CYP4F11: variants seen among roughly 807,000 people sequenced by gnomAD.
CYP4F11 encodes the protein cytochrome P450 family 4 subfamily F member 11.
A neutral mutation model predicts 62.2 loss-of-function variants in CYP4F11; 79 were observed. The observed-to-expected ratio is 1.27, with a 90% CI of 1.06 to 1.53. The LOEUF (loss-of-function observed/expected upper bound fraction) is 1.53. Among genes scored for constraint, CYP4F11 ranks in the 40% most tolerant of loss-of-function variants. The pLI is 0.00. For missense variants in CYP4F11, 777 were observed against 680.5 expected, an observed-to-expected ratio of 1.14 and a Z score of -1.58; for synonymous variants, 290 against 263.7, an observed-to-expected ratio of 1.10 and a Z score of -0.97.
In CYP4F11 at chr19:15,924,849, C is replaced by T. The variant is rs765039646; in HGVS notation, c.559G>A (p.Ala187Thr). 75 of 1,612,438 alleles carry T rather than the reference C, an allele frequency of 4.7e-5. No individual in the cohort carries two copies. Among genetic ancestry groups the T allele is most frequent in the Admixed American group, 6.7e-5 (4 of 59,924 alleles). The change falls in exon 5 of 12, where the codon GCC (alanine) becomes ACC (threonine). Residue 187 changes from alanine to threonine, a missense_variant. Physicochemically the swap from Ala to Thr is moderately conservative, Grantham distance 58. Coordinates refer to ENST00000402119, the MANE Select transcript of CYP4F11 (RefSeq NM_021187.4). ...KWQRLASEGS[A>T]RLDMFEHISL... ...ATGTGTTCAAACATGTCCAGTCTGG[C>T]GCTGCCCTCTGAGGCCAGGCGCTGC...
intron 1 of CYP4F11, among the ~76,000 whole-genome samples, chr19:15,932,400 G>GC (rs1357515911): frequency 4.1e-5 from 4 of 98,496 alleles, no homozygotes; most frequent in African/African-American, 8.8e-5. Flanking sequence ...GAATGAGTGA[G>GC]TGAGGAGAGG....
intron 6 of CYP4F11, among the ~76,000 whole-genome samples, chr19:15,923,361 A>G (rs563251463): frequency 7.2e-5 from 11 of 151,848 alleles, no homozygotes; most frequent in Non-Finnish European, 1.5e-4. Context: ...CAAGATGTAT[A>G]CTGTGGGGCC....
chr19:15,923,441 T>G (rs1236798275), intron 6 of CYP4F11, among the ~76,000 whole-genome samples: 4 of 152,176 alleles, frequency 2.6e-5, no homozygotes, highest in South Asian at 2.1e-4. Context: ...AATATGGGAA[T>G]AGAGAGCCAG....
Position 15,914,789 on chromosome 19 carries a change from G to C in CYP4F11, c.1222C>G (p.Leu408Val). ...ISRCCTQDFV[L>V]PDGRVIPKGI... ...TTGGGGATGACGCGGCCGTCTGGGA[G>C]CACAAAGTCCTGCGTGCAACATCGG... Residue 408 changes from leucine to valine, a missense_variant, in exon 9 of 12, where the codon CTC becomes GTC. Transcript: ENST00000402119. The C allele has an allele frequency of 6.2e-7, 1 of 1,614,198 alleles. No individual in the cohort carries two copies. Among genetic ancestry groups the C allele is most frequent in the South Asian group, 1.1e-5 (1 of 91,090 alleles).
rs541649499 is a variant in CYP4F11, at chr19:15,929,267, T to C, written c.343+190A>G. The stretch of plus-strand genomic sequence containing the variant: ...CCCAGAACACAAAGGCAGAGAGAGA[T>C]GGCAGTGGAGGGAGGAGACGCTGAC... On this transcript the variant is annotated intron_variant, in intron 2 of 11. Transcript: ENST00000402119. 4.6e-5 allele frequency among the ~76,000 whole-genome samples: 7 copies of C among 152,186 alleles called. No individual in the cohort carries two copies. The South Asian group carries it at 1.5e-3, about 32-fold the overall frequency.
At chr19:15,919,149 A>G (rs1276594651) in intron 8 of CYP4F11, among the ~76,000 whole-genome samples, 1 of 148,400 alleles carries the variant, frequency 6.7e-6, no homozygotes, top group Non-Finnish European at 1.5e-5. Flanking sequence ...AGGAATATAT[A>G]TAGTATATAT....
At chr19:15,915,756 C>T (rs2089578843) in intron 8 of CYP4F11, among the ~76,000 whole-genome samples, 1 of 151,768 alleles carries the variant, frequency 6.6e-6, no homozygotes, top group South Asian at 2.1e-4. Flanking sequence ...AATAATTTTC[C>T]CATGGTTTCT....
Position 15,921,982 on chromosome 19 carries a change from C to A in CYP4F11, c.1115+55G>T, listed in dbSNP as rs116450161. 1,634 of 1,496,826 alleles carry A rather than the reference C, an allele frequency of 1.1e-3. 24 individuals are homozygous for A. In the African/African-American group the frequency reaches 0.021, roughly 19 times the overall value. The allele number at this position is 1,496,826 out of a possible 1,614,324, so 92.7% of individuals were successfully genotyped here. ...AAAAAAACTCCCTCCCTCTGCCCAC[C>A]TGAGGAGCAGAACCAATGACAAAAG... On this transcript the variant is annotated intron_variant, in intron 8 of 11. Coordinates refer to ENST00000402119, the MANE Select transcript of CYP4F11 (RefSeq NM_021187.4).
intron 1 of CYP4F11, among the ~76,000 whole-genome samples, chr19:15,931,614 G>C (rs1405846504): frequency 2.1e-5 from 2 of 95,290 alleles, no homozygotes; most frequent in Non-Finnish European, 4.2e-5. Context: ...GGAGAGGAAT[G>C]AGTGAGCGAG....
Position 15,927,353 on chromosome 19 carries a change from C to A in CYP4F11, c.398-14G>T. Reference sequence around the variant, plus strand: ...GGAGCCCATCCCCTGGCAGGGCAACCAAGGACAGTGGTCAAGGGCAGCACC... The same window carrying A: ...GGAGCCCATCCCCTGGCAGGGCAACAAAGGACAGTGGTCAAGGGCAGCACC... On this transcript the variant is annotated splice_polypyrimidine_tract_variant and intron_variant, in intron 3 of 11. Coordinates refer to ENST00000402119, the MANE Select transcript of CYP4F11 (RefSeq NM_021187.4). 1.2e-6 allele frequency: 2 copies of A among 1,613,748 alleles called. No homozygotes were observed. Among genetic ancestry groups the A allele is most frequent in the Non-Finnish European group, 1.7e-6 (2 of 1,179,916 alleles).
At chr19:15,928,920 C>T (rs1308326933) in intron 2 of CYP4F11, among the ~76,000 whole-genome samples, 2 of 152,186 alleles carry the variant, frequency 1.3e-5, no homozygotes, top group African/African-American at 4.8e-5. Flanking sequence ...GCCTCAAATC[C>T]CCCTAGTACC....
In CYP4F11 at chr19:15,924,761, T is replaced by C. The variant is rs1404696019; in HGVS notation, c.647A>G (p.Glu216Gly). 1 of 1,609,766 alleles carries C rather than the reference T, an allele frequency of 6.2e-7. No individual in the cohort carries two copies. The highest frequency in any genetic ancestry group is 2.2e-5 in the East Asian group (1 of 44,608). ...TCTCAGGTCCTAGGAAAGGACTCAC[T>C]CCTGACAATTGCTTTCAAAGCTGAA... ...CVFSFESNCQ[E>G]KPSEYIAAIL... The change falls in exon 5 of 12, where the codon GAG becomes GGG. Residue 216 changes from glutamate (E) to glycine (G), a missense_variant and splice_region_variant. Coordinates refer to ENST00000402119, the MANE Select transcript of CYP4F11 (RefSeq NM_021187.4).
intron 4 of CYP4F11, among the ~76,000 whole-genome samples, chr19:15,926,690 G>T (rs561194256): frequency 6.6e-6 from 1 of 152,334 alleles, no homozygotes; most frequent in South Asian, 2.1e-4. Context: ...ATGGAGAAAA[G>T]TCCAGGTGTC....
rs1241034213 is a variant in CYP4F11, at chr19:15,922,126, G to T, written c.1026C>A (p.Tyr342Ter). ...TTASGLSWVL[Y>*]HLAKHPEYQE... The stretch of plus-strand genomic sequence containing the variant: ...GGTATTCTGGGTGCTTTGCAAGGTG[G>T]TATAGGACCCAGGAGAGACCACTGG... Residue 342 changes from tyrosine (Y) to a stop codon, truncating the protein, a stop_gained, in exon 8 of 12, where the codon TAC (tyrosine) becomes TAA (stop). Coordinates refer to ENST00000402119, the MANE Select transcript of CYP4F11 (RefSeq NM_021187.4). LOFTEE classifies it high-confidence loss of function. 4 of 1,613,908 alleles carry T rather than the reference G, an allele frequency of 2.5e-6. No homozygotes were observed. The highest frequency in any genetic ancestry group is 3.4e-6 in the Non-Finnish European group (4 of 1,179,972).
intron 8 of CYP4F11, 41 bp downstream of exon 8, chr19:15,921,996 C>G (rs1377286271): frequency 6.5e-7 from 1 of 1,531,802 alleles, no homozygotes; most frequent in African/African-American, 1.4e-5. Flanking sequence ...GGAGCAGAAC[C>G]AATGACAAAA....
At position 15,924,083 on chromosome 19, in the gene CYP4F11, C is replaced by T; in HGVS notation, c.648-1G>A. ...GGCGGCAATATATTCACTGGGCTTCCTGCATGAAGGAGGTAACAACTTAAC... is the reference window on the plus strand; with the variant it reads ...GGCGGCAATATATTCACTGGGCTTCTTGCATGAAGGAGGTAACAACTTAAC... On this transcript the variant is annotated splice_acceptor_variant, in intron 5 of 11. Transcript: ENST00000402119. LOFTEE classifies it high-confidence loss of function. 1 of 1,612,776 alleles carries T rather than the reference C, an allele frequency of 6.2e-7. No homozygotes were observed. Among genetic ancestry groups the T allele is most frequent in the South Asian group, 1.1e-5 (1 of 91,006 alleles).
intron 8 of CYP4F11, among the ~76,000 whole-genome samples, chr19:15,919,487 G>GATAT (rs2089608348): frequency 9.1e-6 from 1 of 110,022 alleles, no homozygotes; most frequent in Non-Finnish European, 2.0e-5. Flanking sequence ...TAGATAGATA[G>GATAT]ATAGATAGAT....
intron 8 of CYP4F11, among the ~76,000 whole-genome samples, chr19:15,919,360 T>C (rs116281030): frequency 0.012 from 1,835 of 150,756 alleles, 44 homozygotes; most frequent in African/African-American, 0.043. Context: ...GATGGATAGA[T>C]AGATAGATAG....
At position 15,927,415 on chromosome 19, in the gene CYP4F11, A is replaced by G; in HGVS notation, c.397+15T>C. 1 of 1,613,902 alleles carries G rather than the reference A, an allele frequency of 6.2e-7. No homozygotes were observed. Among genetic ancestry groups the G allele is most frequent in the Non-Finnish European group, 8.5e-7 (1 of 1,179,944 alleles). ...CTAAAGGATATCCCCAACCCCATTC[A>G]CCTCAATTACTCACCCAGCCAGGGC... On this transcript the variant is annotated intron_variant, in intron 3 of 11. Transcript: ENST00000402119.
Sources: gnomAD v4.1 joint callset for allele counts (sites outside exome capture counted in the v4.1 genomes callset) on GRCh38, gnomAD v4.1.1 for gene constraint, MANE v1.5 for transcripts, NCBI Gene and HGNC (gene_info 2026-07-23, HGNC 2026-07-21) for gene names.